The following RTN4 variants were observed in gnomAD, a reference collection of about 807,000 sequenced individuals.
RTN4 encodes reticulon-4.
A neutral mutation model predicts 90.4 loss-of-function variants in RTN4; 32 were observed. The observed-to-expected ratio is 0.35, with a 90% confidence interval of 0.27 to 0.48. The LOEUF (loss-of-function observed/expected upper bound fraction) is 0.48, where lower values mean the gene tolerates loss of function less well. Ranked by LOEUF, RTN4 falls within the 20% of genes least tolerant of loss-of-function variation. The pLI is 0.99. For missense variants in RTN4, 1,706 were observed against 1,430.2 expected, an observed-to-expected ratio of 1.19 and a Z score of -3.11; for synonymous variants, 629 against 552.5, an observed-to-expected ratio of 1.14 and a Z score of -1.94.
At chr2:55,040,125 A>G (rs1682972987) in intron 1 of RTN4, among the ~76,000 whole-genome samples, 2 of 152,150 alleles carry the variant, frequency 1.3e-5, no homozygotes, top group African/African-American at 2.4e-5. Flanking sequence ...AATATAATGA[A>G]ATACTAACTT....
In RTN4 at chr2:54,987,537, C is replaced by A. The variant is rs148322379; in HGVS notation, c.3175G>T (p.Gly1059Cys). ...SVTISFRIYK[G>C]VIQAIQKSDE... The stretch of plus-strand genomic sequence containing the variant: ...GATTTCTGGATAGCTTGGATCACAC[C>A]CTTGTATATCCTAAAGCTGATGGTC... Residue 1059 changes from glycine to cysteine, a missense_variant, in exon 4 of 9, where the codon GGT (glycine) becomes TGT (cysteine). Coordinates refer to ENST00000337526, the MANE Select transcript of RTN4 (RefSeq NM_020532.5). 58 of 1,613,966 alleles carry A rather than the reference C, an allele frequency of 3.6e-5. No individual in the cohort carries two copies. Among genetic ancestry groups the A allele is most frequent in the Non-Finnish European group, 4.9e-5 (58 of 1,180,012 alleles).
intron 3 of RTN4, among the ~76,000 whole-genome samples, chr2:55,009,288 G>A (rs1442316241): frequency 6.6e-6 from 1 of 152,000 alleles, no homozygotes; most frequent in Non-Finnish European, 1.5e-5. Flanking sequence ...TTTATTATAA[G>A]TGGTCAGATA....
intron 4 of RTN4, among the ~76,000 whole-genome samples, chr2:54,986,970 G>A (rs970503794): frequency 9.2e-5 from 14 of 152,118 alleles, no homozygotes; most frequent in African/African-American, 3.1e-4. Flanking sequence ...GAAAACAAGG[G>A]TAGAAGATGA....
chr2:55,007,525 A>G (rs746503182), intron 3 of RTN4, among the ~76,000 whole-genome samples: 4 of 152,144 alleles, frequency 2.6e-5, no homozygotes, highest in Non-Finnish European at 5.9e-5. Flanking sequence ...CAGCACGCAA[A>G]TGAGGAAATT....
intron 1 of RTN4, among the ~76,000 whole-genome samples, chr2:55,085,617 T>C (rs1316853078): frequency 6.6e-6 from 1 of 152,190 alleles, no homozygotes; most frequent in East Asian, 1.9e-4. Context: ...CACAGCAACA[T>C]CTAGACATGT....
intron 3 of RTN4, among the ~76,000 whole-genome samples, chr2:55,015,188 G>A (rs1680943999): frequency 6.6e-6 from 1 of 152,120 alleles, no homozygotes; most frequent in South Asian, 2.1e-4. Flanking sequence ...CCCAGTTCAT[G>A]GAAGGCAATC....
At chr2:55,012,527 A>C (rs1680719337) in intron 3 of RTN4, among the ~76,000 whole-genome samples, 1 of 152,152 alleles carries the variant, frequency 6.6e-6, no homozygotes, top group Non-Finnish European at 1.5e-5. Flanking sequence ...AATCTGAAAA[A>C]CTGATATGAC....
chr2:55,065,466 T>C (rs980719814), intron 2 of RTN4, among the ~76,000 whole-genome samples: 2 of 152,036 alleles, frequency 1.3e-5, no homozygotes, highest in Admixed American at 1.3e-4. Flanking sequence ...CCAAAAGACA[T>C]GTAAAAGTGC....
At chr2:55,081,515 T>G (rs994214983) in intron 1 of RTN4, among the ~76,000 whole-genome samples, 2 of 152,162 alleles carry the variant, frequency 1.3e-5, no homozygotes, top group Non-Finnish European at 2.9e-5. Flanking sequence ...CATTTGTGAT[T>G]ATTGCACTAC....
chr2:54,973,518 G>T lies in RTN4; in HGVS notation c.3536+45C>A, dbSNP rs747726061. On this transcript the variant is annotated intron_variant, in intron 8 of 8. Transcript: ENST00000337526. ...ATGAAAATACTGTTCTCACAATCCAGCACACCTTATCCTAGTAAAAACACT... is the reference window on the plus strand; with the variant it reads ...ATGAAAATACTGTTCTCACAATCCATCACACCTTATCCTAGTAAAAACACT... 5 of 1,405,256 alleles carry T rather than the reference G, an allele frequency of 3.6e-6. No homozygotes were observed. The East Asian group carries it at 9.1e-5, about 26-fold the overall frequency. The allele number at this position is 1,405,256 out of a possible 1,614,324, so 87.0% of individuals were successfully genotyped here.
chr2:54,982,701 C>G (rs534353217), intron 4 of RTN4, 48 bp from the exon 5 acceptor site: 1 of 1,536,588 alleles, frequency 6.5e-7, no homozygotes, highest in East Asian at 2.3e-5. Flanking sequence ...AGTGATTTTC[C>G]CCTAAATGTC....
chr2:55,070,141 TGG>T (rs957850954), intron 2 of RTN4, among the ~76,000 whole-genome samples: 7 of 152,104 alleles, frequency 4.6e-5, no homozygotes, highest in African/African-American at 1.7e-4. Context: ...AACTATGAGC[TGG>T]ATAGTCTTTG....
chr2:55,103,954 C>T (rs1013079510), intron 1 of RTN4, among the ~76,000 whole-genome samples: 1 of 151,956 alleles, frequency 6.6e-6, no homozygotes, highest in Non-Finnish European at 1.5e-5. Context: ...CTCGGCCTCC[C>T]GAAGTGCTGC....
chr2:55,103,177 A>C (rs1040749727), intron 1 of RTN4, among the ~76,000 whole-genome samples: 13 of 151,968 alleles, frequency 8.6e-5, no homozygotes, highest in African/African-American at 2.2e-4. Flanking sequence ...AATGAGTTTT[A>C]AAAGGATGCA....
At chr2:54,993,433 G>A (rs967471044) in intron 3 of RTN4, among the ~76,000 whole-genome samples, 1 of 152,178 alleles carries the variant, frequency 6.6e-6, no homozygotes, top group Admixed American at 6.5e-5. Context: ...CTAAGTTGAT[G>A]ATTCTGGTGT....
At chr2:55,135,704 A>G in the RTN4 span, among the ~76,000 whole-genome samples, 1 of 152,172 alleles carries the variant, frequency 6.6e-6, no homozygotes, top group Admixed American at 6.5e-5. Flanking sequence ...CGTCAACCCC[A>G]AAAAGTTTTC....
At chr2:55,022,602 C>A (rs569120115) in intron 3 of RTN4, among the ~76,000 whole-genome samples, 3 of 152,208 alleles carry the variant, frequency 2.0e-5, no homozygotes, top group Admixed American at 6.5e-5. Flanking sequence ...TATTCCGCTA[C>A]GTCATTCTCT....
chr2:55,049,145 T>G (rs1667947029), intron 1 of RTN4: 2 of 985,674 alleles, frequency 2.0e-6, no homozygotes, highest in Non-Finnish European at 2.4e-6. Flanking sequence ...TCACTGCGGT[T>G]GGGTCAATGT....
intron 1 of RTN4, among the ~76,000 whole-genome samples, chr2:55,097,493 G>C (rs916172099): frequency 5.3e-5 from 8 of 152,066 alleles, no homozygotes; most frequent in African/African-American, 1.9e-4. Flanking sequence ...ACTGGAGGCA[G>C]AAAGAGCAGT....
Sources: allele counts gnomAD v4.1 joint callset (sites outside exome capture counted in the v4.1 genomes callset), GRCh38; gene constraint gnomAD v4.1.1; transcripts MANE v1.5; gene names NCBI Gene and HGNC (gene_info 2026-07-23, HGNC 2026-07-21).